The following TRABD2B variants were observed in gnomAD, a reference collection of about 807,000 sequenced individuals.
TRABD2B encodes metalloprotease TIKI2.
In TRABD2B, 14 loss-of-function variants were observed where a neutral mutation model predicts 40.1. That is an observed-to-expected ratio of 0.35 (90% CI 0.23 to 0.55). The LOEUF (loss-of-function observed/expected upper bound fraction) is 0.55, where lower values mean the gene tolerates loss of function less well. Among genes scored for constraint, TRABD2B ranks in the 20% least tolerant of loss-of-function variants. The probability of loss-of-function intolerance (pLI) is 0.90; values close to 1 mark genes in which losing one functional copy is unlikely to be tolerated. For missense variants in TRABD2B, 541 were observed against 648.6 expected (o/e 0.83, Z 1.80); for synonymous variants, 263 against 277.0 (o/e 0.95, Z 0.50).
At chr1:47,774,234 A>G (rs1317698899) in intron 6 of TRABD2B, among the ~76,000 whole-genome samples, 3 of 152,040 alleles carry the variant, frequency 2.0e-5, no homozygotes, top group African/African-American at 7.2e-5. Flanking sequence ...TCGGGGGAAA[A>G]TCCTGGATGG....
chr1:47,996,920 G>C lies in TRABD2B; in HGVS notation c.-131C>G. 8.9e-7 allele frequency: 1 copy of C among 1,123,522 alleles called. No homozygotes were observed. The highest frequency in any genetic ancestry group is 1.1e-6 in the Non-Finnish European group (1 of 919,556). The allele number at this position is 1,123,522 out of a possible 1,614,324, so 69.6% of individuals were successfully genotyped here. ...AGCCGCAGGATGCTGGGCGCCCTCT[G>C]GGGCGTGGCTGACTGTCCCTGTCGG... On this transcript the variant is annotated 5_prime_UTR_variant, in exon 1 of 7. Transcript: ENST00000606738. This position sits in a 1 kb window ranked among gnomAD's most constrained non-coding sequence, Gnocchi z 4.6.
chr1:47,950,142 C>T (rs144741888), intron 2 of TRABD2B, among the ~76,000 whole-genome samples: 38,045 of 151,808 alleles, frequency 0.25, 4,776 homozygotes, highest in Admixed American at 0.28. Context: ...AAAAATTAGC[C>T]GGGTGTGTGG....
chr1:47,952,760 A>G (rs942015555), intron 2 of TRABD2B, among the ~76,000 whole-genome samples: 4 of 152,090 alleles, frequency 2.6e-5, no homozygotes. Flanking sequence ...CTTGACTTAT[A>G]CAGTATTTAC....
chr1:47,970,145 T>C (rs184945859), intron 2 of TRABD2B, among the ~76,000 whole-genome samples: 80 of 152,228 alleles, frequency 5.3e-4, no homozygotes, highest in African/African-American at 1.9e-3. Context: ...TCCAAGTCCT[T>C]GTTATCAAGT....
intron 2 of TRABD2B, among the ~76,000 whole-genome samples, chr1:47,969,860 C>T (rs920213903): frequency 6.6e-6 from 1 of 152,150 alleles, no homozygotes; most frequent in Admixed American, 6.5e-5. Context: ...GCCATGTCCT[C>T]ATGATCAAGA....
intron 2 of TRABD2B, among the ~76,000 whole-genome samples, chr1:47,899,663 TAA>T (rs1470056480): frequency 6.6e-6 from 1 of 152,098 alleles, no homozygotes; most frequent in Non-Finnish European, 1.5e-5. Context: ...AGGATTTTGG[TAA>T]GTTTTGTGTG....
At chr1:47,801,886 G>A (rs1644828984) in intron 2 of TRABD2B, among the ~76,000 whole-genome samples, 1 of 152,214 alleles carries the variant, frequency 6.6e-6, no homozygotes. Context: ...TATTAAAGAA[G>A]CAGCAAAATG....
At chr1:47,842,284 C>G (rs1035069076) in intron 2 of TRABD2B, among the ~76,000 whole-genome samples, 49 of 152,210 alleles carry the variant, frequency 3.2e-4, no homozygotes, top group African/African-American at 1.1e-3. Context: ...TTGGAGGCCA[C>G]TGATTCAGGG....
At chr1:47,873,907 C>T (rs767921142) in intron 2 of TRABD2B, among the ~76,000 whole-genome samples, 12 of 152,270 alleles carry the variant, frequency 7.9e-5, no homozygotes, top group Non-Finnish European at 1.5e-4. Flanking sequence ...AGACAAAACA[C>T]TGGCTTTCTG....
chr1:47,846,327 C>G (rs1017291652), intron 2 of TRABD2B, among the ~76,000 whole-genome samples: 1 of 152,212 alleles, frequency 6.6e-6, no homozygotes, highest in African/African-American at 2.4e-5. Context: ...TCCACCTGCT[C>G]CAACTGCCCA....
chr1:47,805,755 C>T (rs1009582019), intron 2 of TRABD2B, among the ~76,000 whole-genome samples: 4 of 152,042 alleles, frequency 2.6e-5, no homozygotes, highest in African/African-American at 9.7e-5. Flanking sequence ...TTTCTAAACT[C>T]ATGTTCATTT....
chr1:47,913,591 T>A (rs1432957869), intron 2 of TRABD2B, among the ~76,000 whole-genome samples: 1 of 152,168 alleles, frequency 6.6e-6, no homozygotes, highest in African/African-American at 2.4e-5. Context: ...TCCCAGCACA[T>A]ACCCAAGACA....
intron 2 of TRABD2B, among the ~76,000 whole-genome samples, chr1:47,969,413 C>T (rs1214012728): frequency 6.6e-6 from 1 of 152,156 alleles, no homozygotes; most frequent in Non-Finnish European, 1.5e-5. Flanking sequence ...GAGATGAGAC[C>T]ACCACTCACA....
rs148140901 is a variant in TRABD2B, at chr1:47,889,427, T to C, written c.667-87808A>G. ...CTGTGCAATTGCCAAGCACGGTATG[T>C]GGCTTGTCATGTCACATTGTTCATG... is the stretch of plus-strand genomic sequence containing the variant. On this transcript the variant is annotated intron_variant, in intron 2 of 6. Transcript: ENST00000606738. 1.5e-3 allele frequency among the ~76,000 whole-genome samples: 223 copies of C among 152,344 alleles called. 1 individual carries two copies. The highest frequency in any genetic ancestry group is 5.1e-3 in the African/African-American group (214 of 41,578).
At chr1:47,946,467 G>A (rs1272162544) in intron 2 of TRABD2B, among the ~76,000 whole-genome samples, 8 of 152,148 alleles carry the variant, frequency 5.3e-5, no homozygotes, top group Admixed American at 5.2e-4. Flanking sequence ...TTTGTCAAAG[G>A]CCTTTTCTGC....
chr1:47,794,819 G>C, intron 3 of TRABD2B, 59 bp from the exon 4 acceptor site: 1 of 1,312,328 alleles, frequency 7.6e-7, no homozygotes. Context: ...TTTTGATAAA[G>C]GGTGTTACTG....
chr1:47,900,008 C>T (rs574077254), intron 2 of TRABD2B, among the ~76,000 whole-genome samples: 1 of 152,300 alleles, frequency 6.6e-6, no homozygotes, highest in East Asian at 1.9e-4. Context: ...CCAAGTTTCC[C>T]TGTGGAAAGT....
chr1:47,769,062 C>T (rs1039277661), intron 6 of TRABD2B, among the ~76,000 whole-genome samples: 6 of 152,120 alleles, frequency 3.9e-5, no homozygotes, highest in East Asian at 1.9e-4. Context: ...GCTTGCCAGG[C>T]GGGGACACTG....
chr1:47,885,286 C>T (rs182162948), intron 2 of TRABD2B, among the ~76,000 whole-genome samples: 181 of 152,342 alleles, frequency 1.2e-3, no homozygotes, highest in African/African-American at 3.8e-3. Flanking sequence ...TGTCCACCTC[C>T]TCCAGGAAGC....
Sources: allele counts gnomAD v4.1 joint callset (sites outside exome capture counted in the v4.1 genomes callset), GRCh38; gene constraint gnomAD v4.1.1; non-coding constraint Gnocchi (gnomAD v3.1); transcripts MANE v1.5; gene names NCBI Gene and HGNC (gene_info 2026-07-23, HGNC 2026-07-21).